The following ABI2 variants were observed in gnomAD, a reference collection of about 807,000 sequenced individuals.
ABI2 encodes the protein abelson interactor 2.
ABI2 carries 25 observed loss-of-function variants against 59.2 expected under a neutral mutation model. The observed-to-expected ratio is 0.42, with a 90% CI of 0.31 to 0.59. The LOEUF is 0.59. Among genes scored for constraint, ABI2 ranks in the 20% least tolerant of loss-of-function variants. The pLI is 0.14. For synonymous variants in ABI2, 213 were observed against 235.5 expected (o/e 0.90, Z 0.87); for missense variants, 545 against 681.8 (o/e 0.80, Z 2.23).
At chr2:203,373,833 A>G (rs2095488043) in intron 2 of ABI2, among the ~76,000 whole-genome samples, 1 of 152,210 alleles carries the variant, frequency 6.6e-6, no homozygotes, top group South Asian at 2.1e-4. Flanking sequence ...CAGTGGCCTT[A>G]AGAACTCAAC....
chr2:203,408,566 C>A (rs1459704103), intron 9 of ABI2, among the ~76,000 whole-genome samples: 1 of 151,544 alleles, frequency 6.6e-6, no homozygotes, highest in Non-Finnish European at 1.5e-5. Flanking sequence ...AGTCTACCCA[C>A]AAAAAGACTG....
At chr2:203,352,403 A>G (rs1360442538) in intron 1 of ABI2, among the ~76,000 whole-genome samples, 2 of 152,166 alleles carry the variant, frequency 1.3e-5, no homozygotes, top group African/African-American at 2.4e-5. Context: ...TTCCAGATGA[A>G]GGCATTGTTA....
At position 203,408,995 on chromosome 2, in the gene ABI2, C is replaced by T. The variant is rs570989939; in HGVS notation, c.1193-2290C>T. The stretch of plus-strand genomic sequence containing the variant: ...CTGGGACTACAGGCGCCCGCCACCG[C>T]GCCCGGCTAATTTTTTGTATTCTTA... On this transcript the variant is annotated intron_variant, in intron 9 of 11. Coordinates refer to ENST00000261018, the MANE Select transcript of ABI2 (RefSeq NM_001375670.1). Among the ~76,000 whole-genome samples, 1,267 of 149,772 alleles carry T rather than the reference C, an allele frequency of 8.5e-3. 10 individuals are homozygous for T. Among genetic ancestry groups the T allele is most frequent in the Middle Eastern group, 0.014 (4 of 288 alleles).
In ABI2 at chr2:203,373,973, A is replaced by G. The variant is rs190615175; in HGVS notation, c.286-6235A>G. Among the ~76,000 whole-genome samples the G allele has an allele frequency of 3.9e-5, 6 of 152,114 alleles. No homozygotes were observed. In the East Asian group the frequency reaches 9.7e-4, roughly 25 times the overall value. On this transcript the variant is annotated intron_variant, in intron 2 of 11. Coordinates refer to ENST00000261018, the MANE Select transcript of ABI2 (RefSeq NM_001375670.1). ...CAGGAGTTTGAGACCAGCCTAGCCAACATGGCAAAATTCCATCTCTCCAAA... is the reference window on the plus strand; with the variant it reads ...CAGGAGTTTGAGACCAGCCTAGCCAGCATGGCAAAATTCCATCTCTCCAAA...
chr2:203,405,661 A>G (rs1458419168), intron 9 of ABI2, among the ~76,000 whole-genome samples: 1 of 151,956 alleles, frequency 6.6e-6, no homozygotes, highest in Admixed American at 6.6e-5. Context: ...CAAGTAACTA[A>G]TTCTCTGATT....
At chr2:203,344,540 T>TTTGTTG (rs751012351) in intron 1 of ABI2, among the ~76,000 whole-genome samples, 16 of 143,010 alleles carry the variant, frequency 1.1e-4, no homozygotes, top group East Asian at 8.1e-4. Context: ...TAATTTTTGC[T>TTTGTTG]TTGTTGTTGT....
chr2:203,342,754 G>T (rs1044484558), intron 1 of ABI2, among the ~76,000 whole-genome samples: 1 of 151,466 alleles, frequency 6.6e-6, no homozygotes, highest in African/African-American at 2.4e-5. Flanking sequence ...CTGGCTAATC[G>T]CCCTCAAAAC....
chr2:203,397,066 C>T (rs983808018), intron 8 of ABI2, 99 bp downstream of exon 8: 44 of 1,259,592 alleles, frequency 3.5e-5, no homozygotes, highest in South Asian at 6.5e-5. Context: ...TGTTGTACTT[C>T]GTATTAAAAA....
At chr2:203,393,430 ATT>A (rs1165278794) in intron 5 of ABI2, among the ~76,000 whole-genome samples, 1 of 152,208 alleles carries the variant, frequency 6.6e-6, no homozygotes, top group Non-Finnish European at 1.5e-5. Flanking sequence ...TTCCCATTTT[ATT>A]GTTTAATATT....
intron 8 of ABI2, among the ~76,000 whole-genome samples, chr2:203,402,303 G>A (rs2097257146): frequency 1.3e-5 from 2 of 152,140 alleles, no homozygotes; most frequent in African/African-American, 2.4e-5. Context: ...CCAAAGTGCT[G>A]GGATTACAGG....
intron 2 of ABI2, among the ~76,000 whole-genome samples, chr2:203,370,544 G>A (rs779178397): frequency 1.3e-5 from 2 of 152,086 alleles, no homozygotes; most frequent in South Asian, 2.1e-4. Flanking sequence ...AGCAGGCAGC[G>A]GGCCACATTC....
At position 203,430,490 on chromosome 2, in the gene ABI2, C is replaced by G. The variant is rs2098474597; in HGVS notation, c.*3138C>G. ...TAATGAAAGTACACTTTATTGTTGC[C>G]TTTGAACTTACGGCCAAGGCAATAA... is the stretch of plus-strand genomic sequence containing the variant. On this transcript the variant is annotated 3_prime_UTR_variant, in exon 12 of 12. Transcript: ENST00000261018. The G allele has an allele frequency of 6.6e-6, 1 of 152,146 alleles. No homozygotes were observed. Among genetic ancestry groups the G allele is most frequent in the Admixed American group, 6.5e-5 (1 of 15,280 alleles). 9.4% of individuals were successfully genotyped at this position (152,146 alleles called of 1,614,324 possible).
At chr2:203,360,877 T>A (rs539786843) in intron 1 of ABI2, among the ~76,000 whole-genome samples, 275 of 152,348 alleles carry the variant, frequency 1.8e-3, no homozygotes, top group African/African-American at 6.3e-3. Context: ...ACTCTTATGC[T>A]GTTGCTAATA....
intron 2 of ABI2, among the ~76,000 whole-genome samples, chr2:203,377,273 C>T (rs2095768778): frequency 6.6e-6 from 1 of 152,178 alleles, no homozygotes; most frequent in African/African-American, 2.4e-5. Context: ...ATGATTGTCC[C>T]ATTGCACTCC....
intron 1 of ABI2, among the ~76,000 whole-genome samples, chr2:203,362,402 G>C (rs2093642357): frequency 6.6e-6 from 1 of 151,926 alleles, no homozygotes; most frequent in Non-Finnish European, 1.5e-5. Flanking sequence ...ACGTTCTGGG[G>C]GTAGTTGCTT....
chr2:203,419,180 G>A (rs1039085040), intron 11 of ABI2, among the ~76,000 whole-genome samples: 2 of 147,774 alleles, frequency 1.4e-5, no homozygotes, highest in Admixed American at 6.9e-5. Flanking sequence ...CGTGATCTCA[G>A]CTCACAGCAA....
intron 11 of ABI2, among the ~76,000 whole-genome samples, chr2:203,425,306 G>C (rs1216040071): frequency 6.6e-6 from 1 of 152,004 alleles, no homozygotes; most frequent in African/African-American, 2.4e-5. Context: ...TCACTCAAGT[G>C]ATTCTCTTGC....
chr2:203,410,270 A>G (rs746184371), intron 9 of ABI2, among the ~76,000 whole-genome samples: 1 of 152,226 alleles, frequency 6.6e-6, no homozygotes, highest in Non-Finnish European at 1.5e-5. Flanking sequence ...TCTCCTTGAG[A>G]GCAGAGACAT....
intron 5 of ABI2, among the ~76,000 whole-genome samples, chr2:203,392,904 G>C (rs2096823662): frequency 6.6e-6 from 1 of 151,936 alleles, no homozygotes; most frequent in South Asian, 2.1e-4. Context: ...TCTGCTAGTT[G>C]ATGGCTATAA....
Sources: gnomAD v4.1 joint callset for allele counts (sites outside exome capture counted in the v4.1 genomes callset) on GRCh38, gnomAD v4.1.1 for gene constraint, MANE v1.5 for transcripts, NCBI Gene and HGNC (gene_info 2026-07-23, HGNC 2026-07-21) for gene names.